The following EBF1 variants were observed in gnomAD, a reference collection of about 807,000 sequenced individuals.
EBF1 encodes the protein transcription factor COE1.
EBF1 carries 10 observed loss-of-function variants against 68.4 expected under a neutral mutation model. The observed-to-expected ratio is 0.15, with a 90% CI of 0.09 to 0.25. The LOEUF (loss-of-function observed/expected upper bound fraction) is 0.25, where lower values mean the gene tolerates loss of function less well. EBF1 is among the 10% of genes least tolerant of loss of function. The pLI, the probability that EBF1 is intolerant of heterozygous loss-of-function variation, is 1.00. For missense variants in EBF1, 509 were observed against 794.4 expected (o/e 0.64, Z 4.32); for synonymous variants, 298 against 299.8 (o/e 0.99, Z 0.06).
intron 4 of EBF1, among the ~76,000 whole-genome samples, chr5:159,091,302 T>A (rs1313633060): frequency 2.0e-5 from 3 of 152,154 alleles, no homozygotes; most frequent in African/African-American, 7.2e-5. Flanking sequence ...TCAGCTTTGT[T>A]TTCACCCCCA....
rs1447398567 is a variant in EBF1, at chr5:158,697,746, CAAAAAATCACAAAA to C, written c.*1351_*1364del. ...TGTATAAATAGAACAACAACTTTGG[CAAAAAATCACAAAA>C]AAAAAATCTACAGTATTTATAACTA... On this transcript the variant is annotated 3_prime_UTR_variant, in exon 16 of 16. Transcript: ENST00000313708. The C allele has an allele frequency of 5.0e-6, 1 of 201,236 alleles. No individual in the cohort carries two copies. The highest frequency in any genetic ancestry group is 1.0e-5 in the Non-Finnish European group (1 of 99,256). The allele number at this position is 201,236 out of a possible 1,614,324, so 12.5% of individuals were successfully genotyped here. A position where few individuals can be genotyped will look rare whatever the true frequency, so the allele number is the denominator to read the frequency against.
rs375095737 is a variant in EBF1, at chr5:158,807,390, T to C, written c.779-10915A>G. ...AGGAAGATGATTTCTGAGTTTTCCC[T>C]ACCCGTTGCCATTTGAGAATGTGGA... is the stretch of plus-strand genomic sequence containing the variant. On this transcript the variant is annotated intron_variant, in intron 8 of 15. Transcript: ENST00000313708. 2.2e-4 allele frequency among the ~76,000 whole-genome samples: 33 copies of C among 152,290 alleles called. No individual in the cohort carries two copies. In the South Asian group the frequency reaches 2.5e-3, roughly 11 times the overall value.
intron 7 of EBF1, among the ~76,000 whole-genome samples, chr5:158,827,714 A>C (rs1353381538): frequency 2.0e-5 from 3 of 152,214 alleles, no homozygotes; most frequent in Non-Finnish European, 4.4e-5. Flanking sequence ...AGACACAAGC[A>C]GCTAAATTCA....
At chr5:158,995,509 GCTA>G (rs1046930733) in intron 6 of EBF1, among the ~76,000 whole-genome samples, 4 of 152,120 alleles carry the variant, frequency 2.6e-5, no homozygotes, top group African/African-American at 7.2e-5. Flanking sequence ...AGTCTAAAAA[GCTA>G]AATAATCTTC....
chr5:159,038,148 G>A (rs193010664), intron 6 of EBF1, among the ~76,000 whole-genome samples: 19 of 152,094 alleles, frequency 1.2e-4, no homozygotes, highest in African/African-American at 2.2e-4. Flanking sequence ...TTCTTATCTC[G>A]GCAGTCCTTT....
At chr5:158,917,466 C>A (rs1231841866) in intron 6 of EBF1, among the ~76,000 whole-genome samples, 2 of 152,194 alleles carry the variant, frequency 1.3e-5, no homozygotes, top group South Asian at 4.1e-4. Context: ...CTGAATGGAG[C>A]AGGAGGTCTT....
At chr5:158,901,473 C>A (rs189945338) in intron 6 of EBF1, among the ~76,000 whole-genome samples, 1 of 152,288 alleles carries the variant, frequency 6.6e-6, no homozygotes, top group African/African-American at 2.4e-5. Flanking sequence ...TATATCTGTG[C>A]CTTCTGGTTC....
chr5:158,847,439 T>A (rs990239430), intron 6 of EBF1, among the ~76,000 whole-genome samples: 1 of 152,136 alleles, frequency 6.6e-6, no homozygotes, highest in Non-Finnish European at 1.5e-5. Context: ...TTCTTAGAAA[T>A]GACACAGAGA....
intron 9 of EBF1, among the ~76,000 whole-genome samples, chr5:158,795,294 T>C (rs552451004): frequency 6.6e-6 from 1 of 152,300 alleles, no homozygotes; most frequent in East Asian, 1.9e-4. Flanking sequence ...TTACATTCTA[T>C]AGGCTTTGGG....
At chr5:158,760,264 C>T (rs927842780) in intron 10 of EBF1, among the ~76,000 whole-genome samples, 2 of 152,118 alleles carry the variant, frequency 1.3e-5, no homozygotes, top group Non-Finnish European at 2.9e-5. Flanking sequence ...TAAAACAATG[C>T]CCCATTAAAG....
intron 8 of EBF1, among the ~76,000 whole-genome samples, chr5:158,796,809 G>A (rs1272089646): frequency 6.6e-6 from 1 of 152,050 alleles, no homozygotes; most frequent in East Asian, 1.9e-4. Context: ...TGACTTTCTG[G>A]AATATATTGG....
At chr5:158,943,413 C>A (rs1490818837) in intron 6 of EBF1, among the ~76,000 whole-genome samples, 1 of 152,078 alleles carries the variant, frequency 6.6e-6, no homozygotes, top group South Asian at 2.1e-4. Context: ...AAAAGCAGTG[C>A]TCCTTTGGAT....
intron 6 of EBF1, among the ~76,000 whole-genome samples, chr5:159,030,098 A>AT (rs904557847): frequency 8.1e-4 from 122 of 151,538 alleles, no homozygotes; most frequent in African/African-American, 2.8e-3. Flanking sequence ...AGACACAGAA[A>AT]AAATATATAT....
At chr5:159,029,421 T>C (rs1483310006) in intron 6 of EBF1, among the ~76,000 whole-genome samples, 1 of 152,134 alleles carries the variant, frequency 6.6e-6, no homozygotes, top group Non-Finnish European at 1.5e-5. Context: ...CCCAAGGCTT[T>C]CAAAGTATTT....
intron 10 of EBF1, among the ~76,000 whole-genome samples, chr5:158,761,037 A>T (rs181373312): frequency 5.5e-4 from 84 of 152,322 alleles, no homozygotes; most frequent in Admixed American, 5.5e-3. Context: ...TGCTTGCAAA[A>T]TAAAAGTGCA....
chr5:158,704,952 A>G (rs1174315621), intron 15 of EBF1, among the ~76,000 whole-genome samples: 2 of 152,194 alleles, frequency 1.3e-5, no homozygotes, highest in East Asian at 3.8e-4. Flanking sequence ...AAAAGTAGGG[A>G]TATTTGGTAT....
At chr5:158,848,664 G>A (rs185294920) in intron 6 of EBF1, among the ~76,000 whole-genome samples, 1 of 152,294 alleles carries the variant, frequency 6.6e-6, no homozygotes, top group East Asian at 1.9e-4. Flanking sequence ...CACTACTTTT[G>A]TGTGTGTTTC....
intron 6 of EBF1, among the ~76,000 whole-genome samples, chr5:158,947,502 T>C (rs560492731): frequency 2.0e-5 from 3 of 152,320 alleles, no homozygotes; most frequent in Non-Finnish European, 2.9e-5. Flanking sequence ...CTGCTTCTGC[T>C]CGCCCTCCCT....
intron 6 of EBF1, among the ~76,000 whole-genome samples, chr5:158,894,868 A>G (rs1307066683): frequency 6.6e-6 from 1 of 152,222 alleles, no homozygotes; most frequent in Non-Finnish European, 1.5e-5. Context: ...CTCTAAGCCA[A>G]CAGTCCCTTA....
Sources: gnomAD v4.1 joint callset for allele counts (sites outside exome capture counted in the v4.1 genomes callset) on GRCh38, gnomAD v4.1.1 for gene constraint, MANE v1.5 for transcripts, NCBI Gene and HGNC (gene_info 2026-07-23, HGNC 2026-07-21) for gene names.